ZNF429: variants seen among roughly 807,000 people sequenced by gnomAD.
The protein encoded by ZNF429 is zinc finger protein 429.
ZNF429 carries 53 observed loss-of-function variants against 56.8 expected under a neutral mutation model. The ratio of observed to expected loss-of-function variants is 0.93; its 90% CI spans 0.75 to 1.17. ZNF429 has a LOEUF of 1.17. ZNF429 is among the 50% of genes most tolerant of loss of function. The pLI is 0.00. For synonymous variants in ZNF429, 278 were observed against 264.7 expected (o/e 1.05, Z -0.49); for missense variants, 849 against 788.4 (o/e 1.08, Z -0.92).
rs946244959 is a variant in ZNF429 at position 21,507,160 on chromosome 19, C to T, written c.3+1386C>T. ...AACTATTTTCACTCCCTACACAAAACTGATCTTCCCCTGCATTTTTCACAG... is the reference window on the plus strand; with the variant it reads ...AACTATTTTCACTCCCTACACAAAATTGATCTTCCCCTGCATTTTTCACAG... On this transcript the variant is annotated intron_variant, in intron 1 of 3. Transcript: ENST00000358491. 1.5e-4 allele frequency among the ~76,000 whole-genome samples: 23 copies of T among 152,154 alleles called. 1 individual carries two copies. Among genetic ancestry groups the T allele is most frequent in the Admixed American group, 2.0e-4 (3 of 15,268 alleles).
intron 1 of ZNF429, among the ~76,000 whole-genome samples, chr19:21,506,517 A>G (rs1224233081): frequency 6.6e-6 from 1 of 151,602 alleles, no homozygotes; most frequent in Non-Finnish European, 1.5e-5. Context: ...CTAAAATTGT[A>G]AAGCACCCAG....
rs909215668 is a variant in ZNF429 at position 21,540,668 on chromosome 19, A to C, written c.*2590A>C. On this transcript the variant is annotated 3_prime_UTR_variant, in exon 4 of 4. Coordinates refer to ENST00000358491, the MANE Select transcript of ZNF429 (RefSeq NM_001001415.4). ...AAATAAACTCATTTCTGAGTCTTAA[A>C]TAGATATTTTCAATTATTTGTAATA... is the stretch of plus-strand genomic sequence containing the variant. Among the ~76,000 whole-genome samples the C allele has an allele frequency of 4.9e-5, 5 of 101,028 alleles. No individual in the cohort carries two copies. Among genetic ancestry groups the C allele is most frequent in the African/African-American group, 1.4e-4 (4 of 27,712 alleles). 66.3% of individuals were successfully genotyped at this position (101,028 alleles called of 152,430 possible).
Position 21,526,488 on chromosome 19 carries a change from C to T in ZNF429, c.4-3170C>T, listed in dbSNP as rs189564720. ...CGGGGCAAAAGTTATTGTGGTTTTA[C>T]CTTTTAATGTAATGGCAAAAACCAG... On this transcript the variant is annotated intron_variant, in intron 1 of 3. Coordinates refer to ENST00000358491, the MANE Select transcript of ZNF429 (RefSeq NM_001001415.4). Among the ~76,000 whole-genome samples, 247 of 152,274 alleles carry T rather than the reference C, an allele frequency of 1.6e-3. 1 individual carries two copies. The highest frequency in any genetic ancestry group is 2.7e-3 in the Non-Finnish European group (186 of 68,026).
chr19:21,533,920 C>G, intron 3 of ZNF429, among the ~76,000 whole-genome samples: 1 of 152,026 alleles, frequency 6.6e-6, no homozygotes, highest in Non-Finnish European at 1.5e-5. Context: ...TTTCTTTTCT[C>G]TGTTGTGTGC....
In ZNF429 at chr19:21,539,476, C is replaced by T. The variant is rs569770736; in HGVS notation, c.*1398C>T. Among the ~76,000 whole-genome samples the T allele has an allele frequency of 1.3e-5, 2 of 152,156 alleles. No homozygotes were observed. The highest frequency in any genetic ancestry group is 4.2e-4 in the South Asian group (2 of 4,816). Reference sequence around the variant, plus strand: ...TCACTTTGTTGCCTACGTTGGAGTTCAGTGGCACAATTTCAGCTTGCTGCC... The same window carrying T: ...TCACTTTGTTGCCTACGTTGGAGTTTAGTGGCACAATTTCAGCTTGCTGCC... On this transcript the variant is annotated 3_prime_UTR_variant, in exon 4 of 4. Transcript: ENST00000358491.
rs1258613182 is a variant in ZNF429 at position 21,536,942 on chromosome 19, T to G, written c.889T>G (p.Ser297Ala). The G allele has an allele frequency of 6.2e-7, 1 of 1,612,164 alleles. No individual in the cohort carries two copies. The highest frequency in any genetic ancestry group is 2.2e-5 in the East Asian group (1 of 44,866). ...CDECGKTFSI[S>A]STFTKHKIIH... ...TGAATGTGGCAAAACCTTTAGCATA[T>G]CCTCAACCTTTACTAAACATAAGAT... Residue 297 changes from serine (S) to alanine (A), a missense_variant, in exon 4 of 4, where the codon TCC (serine) becomes GCC (alanine). Ser to Ala is a moderately conservative substitution (Grantham distance 99). Transcript: ENST00000358491.
Position 21,530,769 on chromosome 19 carries a change from G to A in ZNF429, c.226+85G>A. ...GCCAGTCCTTAACAATGTGATTTGG[G>A]AAGCTATGTTTCAAAGAAAATATTT... On this transcript the variant is annotated intron_variant, in intron 3 of 3. Coordinates refer to ENST00000358491, the MANE Select transcript of ZNF429 (RefSeq NM_001001415.4). 1.2e-3 allele frequency: 1,246 copies of A among 1,016,924 alleles called. 10 individuals carry two copies. In the African/African-American group the frequency reaches 0.019, roughly 15 times the overall value. 63.0% of individuals were successfully genotyped at this position (1,016,924 alleles called of 1,614,324 possible).
At chr19:21,513,912 C>T (rs2032617480) in intron 1 of ZNF429, among the ~76,000 whole-genome samples, 1 of 152,202 alleles carries the variant, frequency 6.6e-6, no homozygotes, top group Non-Finnish European at 1.5e-5. Context: ...GCACCACCCT[C>T]AGGAACTTCA....
Position 21,517,600 on chromosome 19 carries a change from A to G in ZNF429, c.3+11826A>G, listed in dbSNP as rs182036692. Reference sequence around the variant, plus strand: ...GGCTGGTAGGCTATTTACTAATTCAATTTTAGAGCTTGTTATTGTTCTGTT... The same window carrying G: ...GGCTGGTAGGCTATTTACTAATTCAGTTTTAGAGCTTGTTATTGTTCTGTT... On this transcript the variant is annotated intron_variant, in intron 1 of 3. Coordinates refer to ENST00000358491, the MANE Select transcript of ZNF429 (RefSeq NM_001001415.4). Among the ~76,000 whole-genome samples, 152 of 151,684 alleles carry G rather than the reference A, an allele frequency of 1.0e-3. 1 individual carries two copies. The highest frequency in any genetic ancestry group is 5.6e-4 in the Non-Finnish European group (38 of 67,904).
intron 1 of ZNF429, among the ~76,000 whole-genome samples, chr19:21,512,573 A>G (rs2032544325): frequency 6.7e-6 from 1 of 148,646 alleles, no homozygotes; most frequent in Non-Finnish European, 1.5e-5. Flanking sequence ...CAGAGGCAGG[A>G]GAATCACTTG....
intron 1 of ZNF429, 141 bp downstream of exon 1, chr19:21,505,915 GTCCC>G: frequency 4.5e-6 from 4 of 887,468 alleles, no homozygotes; most frequent in Non-Finnish European, 7.0e-6. Context: ...CTCGGCTTCA[GTCCC>G]CTTCAGCCAT....
At chr19:21,531,136 A>AAAAAAAAAAAAAACAAAAC in intron 3 of ZNF429, among the ~76,000 whole-genome samples, 3 of 130,104 alleles carry the variant, frequency 2.3e-5, no homozygotes, top group Non-Finnish European at 3.2e-5. Flanking sequence ...AAAACCAAAA[A>AAAAAAAAAAAAAACAAAAC]AAAAAAAACA....
chr19:21,506,461 A>G (rs868794474), intron 1 of ZNF429, among the ~76,000 whole-genome samples: 4,621 of 147,114 alleles, frequency 0.031, 259 homozygotes, highest in African/African-American at 0.1. Context: ...AAAAAAAAAA[A>G]GGGGAGTCAC....
intron 3 of ZNF429, among the ~76,000 whole-genome samples, chr19:21,532,667 C>T: frequency 6.6e-6 from 1 of 150,916 alleles, no homozygotes; most frequent in Admixed American, 6.6e-5. Flanking sequence ...AATATAAAAG[C>T]ATAAGACAGA....
Position 21,509,574 on chromosome 19 carries a change from TG to T in ZNF429, c.3+3804del, listed in dbSNP as rs1333967884. 2.6e-5 allele frequency among the ~76,000 whole-genome samples: 4 copies of T among 152,302 alleles called. No homozygotes were observed. In the East Asian group the frequency reaches 7.7e-4, roughly 29 times the overall value. ...TATTTAAGATCCAGTTAGTTCTTTC[TG>T]GGGAGCCTCCCCTGCAGGTGTCCCT... is the stretch of plus-strand genomic sequence containing the variant. On this transcript the variant is annotated intron_variant, in intron 1 of 3. Transcript: ENST00000358491.
At chr19:21,507,283 C>T (rs1455666470) in intron 1 of ZNF429, among the ~76,000 whole-genome samples, 1 of 152,204 alleles carries the variant, frequency 6.6e-6, no homozygotes, top group Non-Finnish European at 1.5e-5. Flanking sequence ...TTCCTCCTGA[C>T]AATCCCAAAT....
chr19:21,526,976 T>C (rs1220129762), intron 1 of ZNF429, among the ~76,000 whole-genome samples: 4 of 152,126 alleles, frequency 2.6e-5, no homozygotes, highest in South Asian at 4.1e-4. Context: ...CATTCCACTT[T>C]GGCTCTTTAA....
At chr19:21,522,452 T>C (rs2033016859) in intron 1 of ZNF429, among the ~76,000 whole-genome samples, 1 of 152,258 alleles carries the variant, frequency 6.6e-6, no homozygotes, top group African/African-American at 2.4e-5. Context: ...TCTATCATTA[T>C]GGAGTTTCTC....
chr19:21,530,897 G>T, intron 3 of ZNF429, among the ~76,000 whole-genome samples: 104 of 152,128 alleles, frequency 6.8e-4, no homozygotes, highest in Admixed American at 1.4e-3. Context: ...CCTGGGGTCA[G>T]GCATTTGAGA....
Sources: gnomAD v4.1 joint callset for allele counts (sites outside exome capture counted in the v4.1 genomes callset) on GRCh38, gnomAD v4.1.1 for gene constraint, MANE v1.5 for transcripts, NCBI Gene and HGNC (gene_info 2026-07-23, HGNC 2026-07-21) for gene names.